RAB11FIP4: variants seen among roughly 807,000 people sequenced by gnomAD.
RAB11FIP4 encodes rab11 family-interacting protein 4.
RAB11FIP4 carries 23 observed loss-of-function variants against 74.3 expected under a neutral mutation model. That is an observed-to-expected ratio of 0.31 (90% CI 0.22 to 0.44). The LOEUF is 0.44. Ranked by LOEUF, RAB11FIP4 falls within the 20% of genes least tolerant of loss-of-function variation. RAB11FIP4 has a pLI of 1.00. For synonymous variants in RAB11FIP4, 360 were observed against 359.9 expected (o/e 1.00, Z 0.00); for missense variants, 630 against 863.9 (o/e 0.73, Z 3.39).
chr17:31,485,643 G>T (rs1016565500), intron 3 of RAB11FIP4, among the ~76,000 whole-genome samples: 1 of 152,198 alleles, frequency 6.6e-6, no homozygotes, highest in African/African-American at 2.4e-5. Context: ...ACACTGCTGA[G>T]CTTAAGGTCT....
At chr17:31,448,003 G>T (rs1017244627) in intron 3 of RAB11FIP4, among the ~76,000 whole-genome samples, 2 of 151,486 alleles carry the variant, frequency 1.3e-5, no homozygotes, top group Non-Finnish European at 2.9e-5. Flanking sequence ...GGAGAGACAG[G>T]GTCTCACTAT....
chr17:31,451,760 T>C (rs1237139598), intron 3 of RAB11FIP4, among the ~76,000 whole-genome samples: 1 of 151,956 alleles, frequency 6.6e-6, no homozygotes, highest in East Asian at 1.9e-4. Flanking sequence ...GCCCTTCAGG[T>C]TTCAGCACAA....
chr17:31,481,356 G>A (rs2071847135), intron 3 of RAB11FIP4, among the ~76,000 whole-genome samples: 1 of 152,096 alleles, frequency 6.6e-6, no homozygotes, highest in African/African-American at 2.4e-5. Context: ...AAGTGATCCT[G>A]ATGTGCGGTG....
chr17:31,423,049 T>A (rs2071215136), intron 1 of RAB11FIP4, among the ~76,000 whole-genome samples: 1 of 152,068 alleles, frequency 6.6e-6, no homozygotes, highest in South Asian at 2.1e-4. Flanking sequence ...CCTCCTGAGT[T>A]GCTGGGACTA....
chr17:31,488,477 CT>C, intron 3 of RAB11FIP4: 1 of 471,310 alleles, frequency 2.1e-6, no homozygotes, highest in Non-Finnish European at 2.9e-6. Flanking sequence ...CCAGGAAGTG[CT>C]TTTAGTGGAC....
intron 1 of RAB11FIP4, among the ~76,000 whole-genome samples, chr17:31,405,747 A>G (rs188966899): frequency 3.9e-5 from 6 of 152,308 alleles, no homozygotes; most frequent in African/African-American, 9.6e-5. Flanking sequence ...AGTTTTCTTT[A>G]TACTTAGTTT....
In RAB11FIP4 at chr17:31,537,924, C is replaced by G. The variant is rs777493662; in HGVS notation, c.*6192C>G. On this transcript the variant is annotated 3_prime_UTR_variant, in exon 15 of 15. Coordinates refer to ENST00000621161, the MANE Select transcript of RAB11FIP4 (RefSeq NM_032932.6). ...GTGGAATGAACTACACATGTGGCCT[C>G]ATGCCCAAGGGTTTGTTAGATGGCC... 1 of 152,706 alleles carries G rather than the reference C, an allele frequency of 6.5e-6. No individual in the cohort carries two copies. Among genetic ancestry groups the G allele is most frequent in the Non-Finnish European group, 1.5e-5 (1 of 68,094 alleles). 9.5% of individuals were successfully genotyped at this position (152,706 alleles called of 1,614,324 possible).
chr17:31,531,554 T>TG, intron 14 of RAB11FIP4, 62 bp from the exon 15 acceptor site: 1 of 1,124,794 alleles, frequency 8.9e-7, no homozygotes. Context: ...CCTGGGAGTC[T>TG]GGACTCTGCC....
intron 1 of RAB11FIP4, among the ~76,000 whole-genome samples, chr17:31,401,318 T>A (rs1322190705): frequency 2.0e-5 from 3 of 151,188 alleles, no homozygotes; most frequent in Non-Finnish European, 4.4e-5. Context: ...ATCTTCAGAT[T>A]CTTGGAGACT....
intron 3 of RAB11FIP4, among the ~76,000 whole-genome samples, chr17:31,505,512 A>T (rs1189080627): frequency 3.3e-5 from 2 of 60,328 alleles, no homozygotes; most frequent in East Asian, 5.2e-4. Flanking sequence ...TATTATATAT[A>T]ATAATTATAT....
intron 3 of RAB11FIP4, among the ~76,000 whole-genome samples, chr17:31,499,334 C>G (rs919006888): frequency 1.3e-5 from 2 of 152,038 alleles, no homozygotes; most frequent in African/African-American, 2.4e-5. Context: ...ACCATTCCCC[C>G]ACTTTTTCTT....
At chr17:31,425,806 G>A (rs2071243478) in intron 1 of RAB11FIP4, among the ~76,000 whole-genome samples, 1 of 152,200 alleles carries the variant, frequency 6.6e-6, no homozygotes, top group African/African-American at 2.4e-5. Flanking sequence ...AGCCAGAGGG[G>A]GAGCCCCAGG....
intron 3 of RAB11FIP4, among the ~76,000 whole-genome samples, chr17:31,503,536 C>G (rs543297908): frequency 6.7e-6 from 1 of 149,846 alleles, no homozygotes; most frequent in East Asian, 1.9e-4. Context: ...GGCAGTTCTG[C>G]TTTCAGGCAA....
intron 3 of RAB11FIP4, among the ~76,000 whole-genome samples, chr17:31,487,284 T>G (rs2071914368): frequency 6.6e-6 from 1 of 152,204 alleles, no homozygotes; most frequent in African/African-American, 2.4e-5. Context: ...AGTACATTTT[T>G]AAACATTTAA....
chr17:31,408,157 A>T (rs2071059729), intron 1 of RAB11FIP4, among the ~76,000 whole-genome samples: 1 of 152,196 alleles, frequency 6.6e-6, no homozygotes, highest in Non-Finnish European at 1.5e-5. Flanking sequence ...ACATTATAAC[A>T]TTTTGAGCAT....
At chr17:31,414,205 C>G (rs545829459) in intron 1 of RAB11FIP4, among the ~76,000 whole-genome samples, 298 of 152,346 alleles carry the variant, frequency 2.0e-3, no homozygotes, top group African/African-American at 6.9e-3. Flanking sequence ...AGGCTGGGAG[C>G]CACGCTACCC....
chr17:31,460,738 T>G (rs1376309210), intron 3 of RAB11FIP4, among the ~76,000 whole-genome samples: 6 of 152,022 alleles, frequency 3.9e-5, no homozygotes, highest in Admixed American at 2.6e-4. Flanking sequence ...GAGACATATA[T>G]ATATTTCTTC....
chr17:31,518,356 CAAAAA>C (rs35489930), intron 4 of RAB11FIP4: 7 of 70,170 alleles, frequency 1.0e-4, no homozygotes, highest in Admixed American at 1.6e-4. Flanking sequence ...GACCCTGTCT[CAAAAA>C]AAAAAAAAAA....
Position 31,505,499 on chromosome 17 carries a change from T to TTA in RAB11FIP4, c.337-12148_337-12147dup, listed in dbSNP as rs1176786218. Among the ~76,000 whole-genome samples, 259 of 82,312 alleles carry TTA rather than the reference T, an allele frequency of 3.1e-3. 8 individuals are homozygous for TTA. The highest frequency in any genetic ancestry group is 0.013 in the African/African-American group (243 of 18,794). 54.0% of individuals were successfully genotyped at this position (82,312 alleles called of 152,430 possible). ...AATTATAATATATAATATATAATTA[T>TTA]TATATTATATATAATAATTATATAT... On this transcript the variant is annotated intron_variant, in intron 3 of 14. Coordinates refer to ENST00000621161, the MANE Select transcript of RAB11FIP4 (RefSeq NM_032932.6).
Sources: allele counts gnomAD v4.1 joint callset (sites outside exome capture counted in the v4.1 genomes callset), GRCh38; gene constraint gnomAD v4.1.1; transcripts MANE v1.5; gene names NCBI Gene and HGNC (gene_info 2026-07-23, HGNC 2026-07-21).